ADSS2: variants seen among roughly 807,000 people sequenced by gnomAD.
ADSS2 encodes the protein adenylosuccinate synthase 2.
A neutral mutation model predicts 60.0 loss-of-function variants in ADSS2; 30 were observed. That is an observed-to-expected ratio of 0.50 (90% confidence interval 0.37 to 0.68). The LOEUF is 0.68. ADSS2 is among the 30% of genes least tolerant of loss of function. The pLI, the probability that ADSS2 is intolerant of heterozygous loss-of-function variation, is 0.00. For synonymous variants in ADSS2, 187 were observed against 193.1 expected (o/e 0.97, Z 0.26); for missense variants, 373 against 554.8 (o/e 0.67, Z 3.29).
chr1:244,441,695 A>G (rs1368646138), intron 1 of ADSS2, among the ~76,000 whole-genome samples: 11 of 152,100 alleles, frequency 7.2e-5, no homozygotes, highest in African/African-American at 2.6e-4. Context: ...GGTGGCTCAC[A>G]CCTGTAATCC....
chr1:244,415,837 T>A (rs1558268795), intron 11 of ADSS2, 144 bp downstream of exon 11: 3 of 612,972 alleles, frequency 4.9e-6, no homozygotes, highest in Non-Finnish European at 8.4e-6. Context: ...AAATAACTAA[T>A]AATAAGTGAG....
At position 244,419,903 on chromosome 1, in the gene ADSS2, C is replaced by T. The variant is rs191091292; in HGVS notation, c.790+267G>A. ...TTCCAGGGTTTGAACCATAAACCAA[C>T]GAAAACCACAATTTACAGAACCTCA... is the stretch of plus-strand genomic sequence containing the variant. On this transcript the variant is annotated intron_variant, in intron 8 of 12. Transcript: ENST00000366535. 3.7e-3 allele frequency among the ~76,000 whole-genome samples: 560 copies of T among 152,154 alleles called. 3 individuals carry two copies. The highest frequency in any genetic ancestry group is 0.013 in the African/African-American group (530 of 41,502).
chr1:244,416,066 G>T lies in ADSS2; in HGVS notation c.1083C>A (p.Thr361=), dbSNP rs759326155. 5.0e-6 allele frequency: 8 copies of T among 1,613,026 alleles called. No homozygotes were observed. Among genetic ancestry groups the T allele is most frequent in the Non-Finnish European group, 6.8e-6 (8 of 1,179,490 alleles). Residue 361 remains threonine (T), a synonymous_variant, in exon 11 of 13, where the codon ACC becomes ACA. Transcript: ENST00000366535. ...MINGFTALAL[T]KLDILDMFTE... ...TAAACATGTCCAAAATATCCAACTT[G>T]GTAAGTGCCAACCTAATTTTGGAAG...
intron 3 of ADSS2, 25 bp downstream of exon 3, chr1:244,436,800 A>G: frequency 6.3e-7 from 1 of 1,574,918 alleles, no homozygotes; most frequent in Non-Finnish European, 8.7e-7. Context: ...ACAACTGGTT[A>G]CCAAGTAGAC....
At chr1:244,448,748 A>C (rs1283091488) in intron 1 of ADSS2, among the ~76,000 whole-genome samples, 1 of 152,156 alleles carries the variant, frequency 6.6e-6, no homozygotes, top group Non-Finnish European at 1.5e-5. Context: ...CCAGAAAGGG[A>C]CTTTCTTGGT....
chr1:244,437,206 C>CTAT (rs1392784202), intron 2 of ADSS2, among the ~76,000 whole-genome samples: 1 of 151,972 alleles, frequency 6.6e-6, no homozygotes, highest in Non-Finnish European at 1.5e-5. Context: ...GAATCACACC[C>CTAT]TATTAGTGGT....
intron 4 of ADSS2, among the ~76,000 whole-genome samples, chr1:244,428,504 AAGGAAGGAAGGAAGGG>A (rs1331759391): frequency 6.6e-6 from 1 of 151,346 alleles, no homozygotes; most frequent in African/African-American, 2.4e-5. Flanking sequence ...GCAAAGAAGG[AAGGAAGGAAGGAAGGG>A]AGGGAGAGAG....
chr1:244,446,155 T>C (rs1252666917), intron 1 of ADSS2, among the ~76,000 whole-genome samples: 3 of 152,202 alleles, frequency 2.0e-5, no homozygotes, highest in African/African-American at 4.8e-5. Context: ...TTGGAGTCAA[T>C]GCTTATTATC....
chr1:244,420,322 T>G lies in ADSS2; in HGVS notation c.664-26A>C, dbSNP rs1344283497. 4 of 1,585,114 alleles carry G rather than the reference T, an allele frequency of 2.5e-6. No individual in the cohort carries two copies. In the Admixed American group the frequency reaches 7.1e-5, roughly 28 times the overall value. ...CTATACACAAAGACAAAAACCAATT[T>G]CCATGTATACTAATAAACGTTTAAC... is the stretch of plus-strand genomic sequence containing the variant. On this transcript the variant is annotated intron_variant, in intron 7 of 12. Transcript: ENST00000366535.
At chr1:244,424,505 T>A in intron 4 of ADSS2, 118 bp from the exon 5 acceptor site, 1 of 746,480 alleles carries the variant, frequency 1.3e-6, no homozygotes, top group Non-Finnish European at 2.2e-6. Context: ...TATAATAAAT[T>A]AAACACATTT....
chr1:244,452,026 C>T, upstream of ADSS2: 2 of 447,734 alleles, frequency 4.5e-6, no homozygotes, highest in Non-Finnish European at 7.5e-6. Context: ...CTGCCCCGCG[C>T]AGGCCGGCCT....
At chr1:244,412,739 C>G (rs1162090109) in intron 11 of ADSS2, among the ~76,000 whole-genome samples, 1 of 152,178 alleles carries the variant, frequency 6.6e-6, no homozygotes, top group Non-Finnish European at 1.5e-5. Context: ...ATGGCAAAGT[C>G]AGAGCTTTGT....
chr1:244,426,805 C>T (rs1381936132), intron 4 of ADSS2, among the ~76,000 whole-genome samples: 1 of 152,114 alleles, frequency 6.6e-6, no homozygotes, highest in Non-Finnish European at 1.5e-5. Context: ...AAACTGCCTG[C>T]CATTGCCTAG....
intron 1 of ADSS2, among the ~76,000 whole-genome samples, chr1:244,441,682 C>A (rs1198254059): frequency 6.6e-6 from 1 of 152,054 alleles, no homozygotes; most frequent in East Asian, 1.9e-4. Context: ...TTAGGCTGGG[C>A]ACGGTGGCTC....
intron 11 of ADSS2, among the ~76,000 whole-genome samples, chr1:244,415,083 T>G (rs1361172990): frequency 6.6e-6 from 1 of 152,228 alleles, no homozygotes. Context: ...TGGACAAGTT[T>G]TATGTGTTTT....
intron 4 of ADSS2, chr1:244,424,602 T>C (rs1303639322): frequency 7.9e-6 from 3 of 380,640 alleles, no homozygotes; most frequent in Non-Finnish European, 4.8e-6. Flanking sequence ...TTGCAGTCTA[T>C]ACTATTTTAA....
chr1:244,420,759 T>C (rs974292760), intron 7 of ADSS2, among the ~76,000 whole-genome samples: 3 of 152,176 alleles, frequency 2.0e-5, no homozygotes, highest in Non-Finnish European at 2.9e-5. Context: ...CAGGCTGAAG[T>C]ACAGTGGTGG....
At chr1:244,432,695 G>A (rs1279197180) in intron 3 of ADSS2, 100 bp from the exon 4 acceptor site, 102 of 677,244 alleles carry the variant, frequency 1.5e-4, no homozygotes, top group Admixed American at 2.6e-4. Flanking sequence ...ACAGAGTCTC[G>A]CTCTGTCACC....
chr1:244,424,257 G>T, intron 5 of ADSS2, 64 bp downstream of exon 5: 1 of 1,483,574 alleles, frequency 6.7e-7, no homozygotes, highest in Non-Finnish European at 9.3e-7. Flanking sequence ...TTCTGGTCTA[G>T]AACTAAAATA....
Sources: gnomAD v4.1 joint callset for allele counts (sites outside exome capture counted in the v4.1 genomes callset) on GRCh38, gnomAD v4.1.1 for gene constraint, MANE v1.5 for transcripts, NCBI Gene and HGNC (gene_info 2026-07-23, HGNC 2026-07-21) for gene names.